ERG: variants seen among roughly 807,000 people sequenced by gnomAD.
ERG encodes the protein ETS transcription factor ERG.
Under a neutral mutation model 55.3 loss-of-function variants are expected in ERG, and 9 were observed. The observed-to-expected ratio is 0.16, with a 90% CI of 0.10 to 0.28. ERG has a LOEUF of 0.28. Among genes scored for constraint, ERG ranks in the 10% least tolerant of loss-of-function variants. The probability of loss-of-function intolerance (pLI) is 1.00; values close to 1 mark genes in which losing one functional copy is unlikely to be tolerated. For missense variants in ERG, 434 were observed against 631.6 expected (o/e 0.69, Z 3.35); for synonymous variants, 223 against 237.3 (o/e 0.94, Z 0.55).
chr21:38,457,812 G>A (rs1009387196), intron 1 of ERG, among the ~76,000 whole-genome samples: 2 of 152,126 alleles, frequency 1.3e-5, no homozygotes, highest in African/African-American at 4.8e-5. Flanking sequence ...GAGCAGGTGG[G>A]GCCTTCCAAG....
Position 38,445,260 on chromosome 21 carries a change from G to A in ERG, c.236+144C>T, listed in dbSNP as rs2058880605. 6.1e-6 allele frequency: 4 copies of A among 652,528 alleles called. No homozygotes were observed. In the South Asian group the frequency reaches 7.6e-5, roughly 12 times the overall value. 40.4% of individuals were successfully genotyped at this position (652,528 alleles called of 1,614,324 possible). Reference sequence around the variant, plus strand: ...GGATTCAAGTGATTCTCCTGCCTCAGGCTCCCGAGTAGCTGGGATTACAGG... The same window carrying A: ...GGATTCAAGTGATTCTCCTGCCTCAAGCTCCCGAGTAGCTGGGATTACAGG... On this transcript the variant is annotated intron_variant, in intron 2 of 9. Coordinates refer to ENST00000288319, the MANE Select transcript of ERG (RefSeq NM_182918.4).
At chr21:38,635,480 A>C (rs897924318) in intron 1 of ERG, among the ~76,000 whole-genome samples, 3 of 152,216 alleles carry the variant, frequency 2.0e-5, no homozygotes, top group Non-Finnish European at 4.4e-5. Context: ...AGATATATGC[A>C]TAAATAAAGA....
At chr21:38,605,987 T>C (rs2060194594) in intron 1 of ERG, among the ~76,000 whole-genome samples, 1 of 152,142 alleles carries the variant, frequency 6.6e-6, no homozygotes, top group Admixed American at 6.5e-5. Flanking sequence ...AGGTAGGTAC[T>C]AGATACATAG....
chr21:38,381,625 GT>G lies in ERG; in HGVS notation c.*1777del. 1 of 1,063,426 alleles carries G rather than the reference GT, an allele frequency of 9.4e-7. No individual in the cohort carries two copies. Among genetic ancestry groups the G allele is most frequent in the Non-Finnish European group, 1.1e-6 (1 of 878,110 alleles). The allele number at this position is 1,063,426 out of a possible 1,614,324, so 65.9% of individuals were successfully genotyped here. A position where few individuals can be genotyped will look rare whatever the true frequency, so the allele number is the denominator to read the frequency against. Reference sequence around the variant, plus strand: ...CGCTTTATTTGCCAGTAATAATACAGTTTGCCTTACGAGTGGTAGCTTGTTC... The same window carrying G: ...CGCTTTATTTGCCAGTAATAATACAGTTGCCTTACGAGTGGTAGCTTGTTC... On this transcript the variant is annotated 3_prime_UTR_variant, in exon 10 of 10. Coordinates refer to ENST00000288319, the MANE Select transcript of ERG (RefSeq NM_182918.4).
chr21:38,546,536 C>A lies in ERG; in HGVS notation c.-41+29126G>T, dbSNP rs1300600128. Among the ~76,000 whole-genome samples, 5 of 152,314 alleles carry A rather than the reference C, an allele frequency of 3.3e-5. No homozygotes were observed. In the East Asian group the frequency reaches 9.7e-4, roughly 29 times the overall value. On this transcript the variant is annotated intron_variant, in intron 2 of 8. Transcript: ENST00000398897. Reference sequence around the variant, plus strand: ...CATTCTTCAGGCCTTGACACAAGCGCCCACAAACCTAAGAGAATGCATTTT... The same window carrying A: ...CATTCTTCAGGCCTTGACACAAGCGACCACAAACCTAAGAGAATGCATTTT...
chr21:38,654,106 C>A (rs924856679), intron 1 of ERG, among the ~76,000 whole-genome samples: 3 of 152,214 alleles, frequency 2.0e-5, no homozygotes, highest in Admixed American at 1.3e-4. Flanking sequence ...TATTTACAAG[C>A]CTTAGAAAAC....
intron 2 of ERG, among the ~76,000 whole-genome samples, chr21:38,504,686 A>C (rs1033411054): frequency 7.9e-5 from 12 of 152,192 alleles, no homozygotes; most frequent in Non-Finnish European, 1.6e-4. Context: ...TCACAAAAGC[A>C]TCTGACTGGC....
chr21:38,642,090 T>C (rs1455257033), intron 1 of ERG, among the ~76,000 whole-genome samples: 1 of 152,230 alleles, frequency 6.6e-6, no homozygotes, highest in Admixed American at 6.5e-5. Flanking sequence ...TACTAGACAG[T>C]TTAAAAGTAA....
chr21:38,428,344 C>A (rs1029800796), intron 2 of ERG, among the ~76,000 whole-genome samples: 1 of 152,160 alleles, frequency 6.6e-6, no homozygotes, highest in African/African-American at 2.4e-5. Context: ...CCACTGCAAC[C>A]CCACCTTCAC....
At chr21:38,610,062 G>A (rs2060217031) in intron 1 of ERG, among the ~76,000 whole-genome samples, 1 of 152,208 alleles carries the variant, frequency 6.6e-6, no homozygotes, top group African/African-American at 2.4e-5. Context: ...AGTGGCGAGA[G>A]ATGAGAGGCC....
rs150331143 is a variant in ERG, at chr21:38,427,836, TAAGA to T, written c.237-4279_237-4276del. On this transcript the variant is annotated intron_variant, in intron 2 of 9. Transcript: ENST00000288319. ...ACAGGGCACATATACAAGATGCAAA[TAAGA>T]AAGAGGAGTGATTCCTGGAGAAGAA... is the stretch of plus-strand genomic sequence containing the variant. Among the ~76,000 whole-genome samples the T allele has an allele frequency of 6.3e-4, 96 of 151,974 alleles. No individual in the cohort carries two copies. In the East Asian group the frequency reaches 0.017, roughly 27 times the overall value.
chr21:38,611,524 C>T lies in ERG; in HGVS notation c.-149-26579G>A, dbSNP rs117870289. On this transcript the variant is annotated intron_variant, in intron 1 of 10. Transcript: ENST00000398910. ...GCAACTGGCAAGGCAACTGGCTGTT[C>T]CATGTGTCTGGAATGTTCTTCCCCA... Among the ~76,000 whole-genome samples, 1,167 of 152,250 alleles carry T rather than the reference C, an allele frequency of 7.7e-3. 6 individuals carry two copies. Among genetic ancestry groups the T allele is most frequent in the Non-Finnish European group, 0.013 (900 of 68,010 alleles).
At chr21:38,483,882 T>G (rs772427628) in intron 1 of ERG, among the ~76,000 whole-genome samples, 4 of 151,994 alleles carry the variant, frequency 2.6e-5, no homozygotes, top group South Asian at 2.1e-4. Context: ...AATAAAAAAT[T>G]TTTAAAAAAC....
chr21:38,383,393 C>T lies in ERG; in HGVS notation c.*10G>A, dbSNP rs886367077. Reference sequence around the variant, plus strand: ...AATGCACGCTGATGGGAAAAGCCTCCGCCAGGTCTTTAGTAGTAAGTGCCC... The same window carrying T: ...AATGCACGCTGATGGGAAAAGCCTCTGCCAGGTCTTTAGTAGTAAGTGCCC... On this transcript the variant is annotated 3_prime_UTR_variant, in exon 10 of 10. Coordinates refer to ENST00000288319, the MANE Select transcript of ERG (RefSeq NM_182918.4). This position sits in a 1 kb window ranked among gnomAD's most constrained non-coding sequence, Gnocchi z 5.7. 1.1e-5 allele frequency: 16 copies of T among 1,485,098 alleles called. No homozygotes were observed. Among genetic ancestry groups the T allele is most frequent in the South Asian group, 7.6e-5 (5 of 66,104 alleles). 92.0% of individuals were successfully genotyped at this position (1,485,098 alleles called of 1,614,324 possible).
chr21:38,552,990 C>T (rs1042820694), intron 2 of ERG, among the ~76,000 whole-genome samples: 5 of 150,526 alleles, frequency 3.3e-5, no homozygotes, highest in Admixed American at 6.6e-5. Context: ...AATTTCACAA[C>T]GTTTTAGGAT....
At chr21:38,499,497 A>C (rs1042280498), upstream of ERG, among the ~76,000 whole-genome samples, 4 of 152,140 alleles carry the variant, frequency 2.6e-5, no homozygotes, top group African/African-American at 9.6e-5. Flanking sequence ...ACCCATAAAG[A>C]GGTGTGGTCT....
intron 2 of ERG, among the ~76,000 whole-genome samples, chr21:38,540,926 C>T (rs2836490): frequency 0.15 from 23,260 of 152,068 alleles, 2,983 homozygotes; most frequent in African/African-American, 0.33. Context: ...GCAGCAGAAT[C>T]CATCAGGAAA....
chr21:38,661,667 G>C (rs2060557677), exon 1 of ERG: 2 of 152,396 alleles, frequency 1.3e-5, no homozygotes, highest in African/African-American at 4.8e-5. Context: ...CCTGAGCGCC[G>C]CTCCTCTTCT....
chr21:38,483,085 T>A (rs2059252145), intron 1 of ERG, among the ~76,000 whole-genome samples: 2 of 152,208 alleles, frequency 1.3e-5, no homozygotes, highest in Admixed American at 6.5e-5. Context: ...TACTGCATGA[T>A]CTCACTTATA....
Sources: gnomAD v4.1 joint callset for allele counts (sites outside exome capture counted in the v4.1 genomes callset) on GRCh38, gnomAD v4.1.1 for gene constraint, Gnocchi (gnomAD v3.1) non-coding constraint, MANE v1.5 for transcripts, NCBI Gene and HGNC (gene_info 2026-07-23, HGNC 2026-07-21) for gene names.